Variants in OR4D9 observed in about 807,000 individuals in gnomAD.
OR4D9 encodes olfactory receptor 4D9.
In OR4D9, 2 loss-of-function variants were observed where a neutral mutation model predicts 0.8. The observed-to-expected ratio is 2.58, with a 90% CI of 1.06 to 8.13. The LOEUF is 8.13. Ranked by LOEUF, OR4D9 falls within the 30% of genes most tolerant of loss-of-function variation. The probability of loss-of-function intolerance (pLI) is 0.04; values close to 1 mark genes in which losing one functional copy is unlikely to be tolerated. For synonymous variants in OR4D9, 146 were observed against 151.2 expected (o/e 0.97, Z 0.25); for missense variants, 399 against 384.7 (o/e 1.04, Z -0.31).
In OR4D9 at chr11:59,516,091, G is replaced by A. The variant is rs146690846; in HGVS notation, c.*234G>A. ...TATTCATTCCACAAATTTTTATAGA[G>A]CATACACTATATGTCTGAAAGTACT... On this transcript the variant is annotated 3_prime_UTR_variant, in exon 3 of 3. Coordinates refer to ENST00000641962, the MANE Select transcript of OR4D9 (RefSeq NM_001004711.2). 3.3e-4 allele frequency: 160 copies of A among 486,140 alleles called. 1 individual carries two copies. Among genetic ancestry groups the A allele is most frequent in the African/African-American group, 2.8e-3 (143 of 51,900 alleles). The allele number at this position is 486,140 out of a possible 1,614,324, so 30.1% of individuals were successfully genotyped here.
At position 59,515,589 on chromosome 11, in the gene OR4D9, G is replaced by T; in HGVS notation, c.677G>T (p.Arg226Met). Residue 226 changes from arginine to methionine, a missense_variant, in exon 3 of 3, where the codon AGG becomes ATG. Arg to Met is a moderately conservative substitution (Grantham distance 91, BLOSUM62 -1). Coordinates refer to ENST00000641962, the MANE Select transcript of OR4D9 (RefSeq NM_001004711.2). ...TACACGGTCATCTTGATGATGCTGA[G>T]GTCTCACACTGGGGAAGGCAGGAGG... ...ISYTVILMML[R>M]SHTGEGRRKA... 6.2e-7 allele frequency: 1 copy of T among 1,614,094 alleles called. No homozygotes were observed. The highest frequency in any genetic ancestry group is 2.2e-5 in the East Asian group (1 of 44,878).
At position 59,515,618 on chromosome 11, in the gene OR4D9, G is replaced by C. The variant is rs761518790; in HGVS notation, c.706G>C (p.Ala236Pro). ...RSHTGEGRRKAISTCTSHITV... is the reference protein window; with the variant it reads ...RSHTGEGRRKPISTCTSHITV... ...TCACACTGGGGAAGGCAGGAGGAAA[G>C]CCATCTCCACCTGCACCTCCCACAT... is the stretch of plus-strand genomic sequence containing the variant. The change falls in exon 3 of 3, where the codon GCC (alanine) becomes CCC (proline). Residue 236 changes from alanine to proline, a missense_variant. By Grantham distance (27) the Ala-to-Pro change is conservative. Transcript: ENST00000641962. 2.5e-6 allele frequency: 4 copies of C among 1,614,078 alleles called. No homozygotes were observed. The highest frequency in any genetic ancestry group is 3.4e-6 in the Non-Finnish European group (4 of 1,180,004).
rs924286268 is a variant in OR4D9 at position 59,518,946 on chromosome 11, T to C, written c.*3089T>C. On this transcript the variant is annotated 3_prime_UTR_variant, in exon 3 of 3. Coordinates refer to ENST00000641962, the MANE Select transcript of OR4D9 (RefSeq NM_001004711.2). ...CTCAGAAAGAAGAAAATATGAAGAA[T>C]GAACTCTAGTGATCTCTTCCACATG... 1 of 152,196 alleles carries C rather than the reference T, an allele frequency of 6.6e-6. No individual in the cohort carries two copies. The highest frequency in any genetic ancestry group is 1.5e-5 in the Non-Finnish European group (1 of 68,038). The allele number at this position is 152,196 out of a possible 1,614,324, so 9.4% of individuals were successfully genotyped here.
At position 59,515,352 on chromosome 11, in the gene OR4D9, C is replaced by T. The variant is rs776870162; in HGVS notation, c.440C>T (p.Ala147Val). 3 of 1,613,974 alleles carry T rather than the reference C, an allele frequency of 1.9e-6. No individual in the cohort carries two copies. Among genetic ancestry groups the T allele is most frequent in the Non-Finnish European group, 2.5e-6 (3 of 1,179,960 alleles). The change falls in exon 3 of 3, where the codon GCT becomes GTT. Residue 147 changes from alanine (A) to valine (V), a missense_variant. Coordinates refer to ENST00000641962, the MANE Select transcript of OR4D9 (RefSeq NM_001004711.2). ...SRGRCTGLIV[A>V]SWVGGFVHSI... ...GGGCGATGCACAGGCCTCATCGTGGCTTCCTGGGTGGGGGGCTTTGTCCAC... is the reference window on the plus strand; with the variant it reads ...GGGCGATGCACAGGCCTCATCGTGGTTTCCTGGGTGGGGGGCTTTGTCCAC...
chr11:59,514,948 T>C lies in OR4D9; in HGVS notation c.36T>C (p.Phe12=), dbSNP rs773825893. Residue 12 remains phenylalanine, a synonymous_variant, in exon 3 of 3, where the codon TTT becomes TTC. Transcript: ENST00000641962. Reference sequence around the variant, plus strand: ...GAAATTACACCAGAGTGAAAGAATTTACCTTCCTGGGAATTACTCAGTCCC... The same window carrying C: ...GAAATTACACCAGAGTGAAAGAATTCACCTTCCTGGGAATTACTCAGTCCC... The part of the protein sequence containing the change: ...DQRNYTRVKE[F]TFLGITQSRE... 1 of 1,613,522 alleles carries C rather than the reference T, an allele frequency of 6.2e-7. No homozygotes were observed. Among genetic ancestry groups the C allele is most frequent in the Non-Finnish European group, 8.5e-7 (1 of 1,179,652 alleles).
intron 1 of OR4D9, among the ~76,000 whole-genome samples, chr11:59,513,397 C>T (rs1195674971): frequency 6.6e-6 from 1 of 152,126 alleles, no homozygotes; most frequent in Non-Finnish European, 1.5e-5. Context: ...CTGGTGTAAA[C>T]CAGCACCCAG....
rs1393783791 is a variant in OR4D9, at chr11:59,519,849, T to G, written c.*3992T>G. The G allele has an allele frequency of 2.0e-5, 3 of 152,252 alleles. No homozygotes were observed. Among genetic ancestry groups the G allele is most frequent in the Non-Finnish European group, 4.4e-5 (3 of 68,044 alleles). The allele number at this position is 152,252 out of a possible 1,614,324, so 9.4% of individuals were successfully genotyped here. ...TAGATGAAGAAAATGTGATACATTA[T>G]ACACCATGGGGTACTATGCAGACAT... On this transcript the variant is annotated 3_prime_UTR_variant, in exon 3 of 3. Coordinates refer to ENST00000641962, the MANE Select transcript of OR4D9 (RefSeq NM_001004711.2).
intron 1 of OR4D9, among the ~76,000 whole-genome samples, chr11:59,514,322 C>T (rs1047442142): frequency 6.6e-6 from 1 of 152,136 alleles, no homozygotes. Flanking sequence ...GCCAATCTGG[C>T]ATGTATATTG....
Position 59,514,772 on chromosome 11 carries a change from T to G in OR4D9, c.-31+6T>G. 1 of 619,760 alleles carries G rather than the reference T, an allele frequency of 1.6e-6. No homozygotes were observed. Among genetic ancestry groups the G allele is most frequent in the Non-Finnish European group, 2.8e-6 (1 of 353,716 alleles). The allele number at this position is 619,760 out of a possible 1,614,324, so 38.4% of individuals were successfully genotyped here. A position where few individuals can be genotyped will look rare whatever the true frequency, so the allele number is the denominator to read the frequency against. The stretch of plus-strand genomic sequence containing the variant: ...CATACTGACTTGCAGACACAGTGAG[T>G]GCATAGGGAAAAGAGCTTCCTCCTA... On this transcript the variant is annotated splice_donor_region_variant and intron_variant, in intron 2 of 2. Coordinates refer to ENST00000641962, the MANE Select transcript of OR4D9 (RefSeq NM_001004711.2).
Position 59,515,702 on chromosome 11 carries a change from G to C in OR4D9, c.790G>C (p.Ala264Pro). The C allele has an allele frequency of 6.2e-7, 1 of 1,613,974 alleles. No homozygotes were observed. The highest frequency in any genetic ancestry group is 8.5e-7 in the Non-Finnish European group (1 of 1,180,016). ...CTATGTCTATGCCCGGCCCTTCACT[G>C]CCCTCCCCACAGACACTGCCATCTC... Reference protein sequence around the residue: ...CIYVYARPFTALPTDTAISVT... With the variant: ...CIYVYARPFTPLPTDTAISVT... The change falls in exon 3 of 3, where the codon GCC (alanine) becomes CCC (proline). Residue 264 changes from alanine (A) to proline (P), a missense_variant. Physicochemically the swap from Ala to Pro is conservative, Grantham distance 27. Coordinates refer to ENST00000641962, the MANE Select transcript of OR4D9 (RefSeq NM_001004711.2).
chr11:59,514,293 T>A (rs1323423558), intron 1 of OR4D9, among the ~76,000 whole-genome samples: 1 of 152,188 alleles, frequency 6.6e-6, no homozygotes, highest in Non-Finnish European at 1.5e-5. Flanking sequence ...TCTTTTCAGT[T>A]TCTATCTTTT....
At chr11:59,513,532 A>AGTGTAAATCATTCTCATT (rs1859358805) in intron 1 of OR4D9, among the ~76,000 whole-genome samples, 1 of 152,214 alleles carries the variant, frequency 6.6e-6, no homozygotes, top group Non-Finnish European at 1.5e-5. Context: ...TATTACGTAT[A>AGTGTAAATCATTCTCATT]GTGTAAATCA....
Position 59,519,728 on chromosome 11 carries a change from A to G in OR4D9, c.*3871A>G, listed in dbSNP as rs1200219609. The G allele has an allele frequency of 6.6e-6, 1 of 152,220 alleles. No individual in the cohort carries two copies. Among genetic ancestry groups the G allele is most frequent in the Non-Finnish European group, 1.5e-5 (1 of 68,040 alleles). 9.4% of individuals were successfully genotyped at this position (152,220 alleles called of 1,614,324 possible). A position where few individuals can be genotyped will look rare whatever the true frequency, so the allele number is the denominator to read the frequency against. On this transcript the variant is annotated 3_prime_UTR_variant, in exon 3 of 3. Coordinates refer to ENST00000641962, the MANE Select transcript of OR4D9 (RefSeq NM_001004711.2). Reference sequence around the variant, plus strand: ...AATCCCATTGCTGGGTATATACCCAAAAGAAAATAAATTATTCTACCAAAA... The same window carrying G: ...AATCCCATTGCTGGGTATATACCCAGAAGAAAATAAATTATTCTACCAAAA...
At chr11:59,512,994 A>G (rs990609356) in intron 1 of OR4D9, among the ~76,000 whole-genome samples, 2 of 152,232 alleles carry the variant, frequency 1.3e-5, no homozygotes, top group African/African-American at 4.8e-5. Flanking sequence ...TATAAATGAT[A>G]AATGTTATGT....
Position 59,514,702 on chromosome 11 carries a change from G to A in OR4D9, c.-95G>A, listed in dbSNP as rs1242728793. 6 of 488,700 alleles carry A rather than the reference G, an allele frequency of 1.2e-5. No individual in the cohort carries two copies. The Admixed American group carries it at 2.3e-4, about 18-fold the overall frequency. 30.3% of individuals were successfully genotyped at this position (488,700 alleles called of 1,614,324 possible). On this transcript the variant is annotated 5_prime_UTR_variant, in exon 2 of 3. Coordinates refer to ENST00000641962, the MANE Select transcript of OR4D9 (RefSeq NM_001004711.2). ...AGCAGTGAGAGAACTTTGTCTCCTGGGATGACTGAATCAAAAACCTGGGTA... is the reference window on the plus strand; with the variant it reads ...AGCAGTGAGAGAACTTTGTCTCCTGAGATGACTGAATCAAAAACCTGGGTA...
Position 59,511,640 on chromosome 11 carries a change from A to G in OR4D9, c.-231A>G, listed in dbSNP as rs1859329152. 1 of 152,240 alleles carries G rather than the reference A, an allele frequency of 6.6e-6. No individual in the cohort carries two copies. Among genetic ancestry groups the G allele is most frequent in the African/African-American group, 2.4e-5 (1 of 41,464 alleles). 9.4% of individuals were successfully genotyped at this position (152,240 alleles called of 1,614,324 possible). A position where few individuals can be genotyped will look rare whatever the true frequency, so the allele number is the denominator to read the frequency against. On this transcript the variant is annotated 5_prime_UTR_variant, in exon 1 of 3. An upstream start codon of the reference 5' UTR is lost. Coordinates refer to ENST00000641962, the MANE Select transcript of OR4D9 (RefSeq NM_001004711.2). Reference sequence around the variant, plus strand: ...AAACCAGCAGTTAGTATTAGTGCCTATGAACTTCTGAAACTGAAAAGCTGT... The same window carrying G: ...AAACCAGCAGTTAGTATTAGTGCCTGTGAACTTCTGAAACTGAAAAGCTGT...
In OR4D9 at chr11:59,514,959, G is replaced by A; in HGVS notation, c.47G>A (p.Gly16Glu). 1 of 1,613,840 alleles carries A rather than the reference G, an allele frequency of 6.2e-7. No individual in the cohort carries two copies. Among genetic ancestry groups the A allele is most frequent in the Non-Finnish European group, 8.5e-7 (1 of 1,179,868 alleles). Residue 16 changes from glycine (G) to glutamate (E), a missense_variant, in exon 3 of 3, where the codon GGA becomes GAA. Physicochemically the swap from Gly to Glu is moderately conservative, Grantham distance 98. Coordinates refer to ENST00000641962, the MANE Select transcript of OR4D9 (RefSeq NM_001004711.2). ...AGAGTGAAAGAATTTACCTTCCTGG[G>A]AATTACTCAGTCCCGAGAACTGAGC... is the stretch of plus-strand genomic sequence containing the variant. ...YTRVKEFTFL[G>E]ITQSRELSQV... is the part of the protein sequence containing the mutation.
rs781102186 is a variant in OR4D9 at position 59,518,026 on chromosome 11, C to T, written c.*2169C>T. On this transcript the variant is annotated 3_prime_UTR_variant, in exon 3 of 3. Coordinates refer to ENST00000641962, the MANE Select transcript of OR4D9 (RefSeq NM_001004711.2). Reference sequence around the variant, plus strand: ...TCTCACCACTCCTTTACCTGTGCCACTCAATCTATTAGAAGGTAAAGAAAG... The same window carrying T: ...TCTCACCACTCCTTTACCTGTGCCATTCAATCTATTAGAAGGTAAAGAAAG... 2 of 152,136 alleles carry T rather than the reference C, an allele frequency of 1.3e-5. No homozygotes were observed. Among genetic ancestry groups the T allele is most frequent in the Non-Finnish European group, 2.9e-5 (2 of 68,034 alleles). 9.4% of individuals were successfully genotyped at this position (152,136 alleles called of 1,614,324 possible). A position where few individuals can be genotyped will look rare whatever the true frequency, so the allele number is the denominator to read the frequency against.
intron 1 of OR4D9, among the ~76,000 whole-genome samples, chr11:59,513,256 G>A (rs541646708): frequency 6.6e-6 from 1 of 152,148 alleles, no homozygotes; most frequent in Non-Finnish European, 1.5e-5. Context: ...TGTATTTTTA[G>A]TAGAGACGGG....
Sources: gnomAD v4.1 joint callset for allele counts (sites outside exome capture counted in the v4.1 genomes callset) on GRCh38, gnomAD v4.1.1 for gene constraint, MANE v1.5 for transcripts, NCBI Gene and HGNC (gene_info 2026-07-23, HGNC 2026-07-21) for gene names.